DPP6: variants seen among roughly 807,000 people sequenced by gnomAD.
DPP6 encodes the protein A-type potassium channel modulatory protein DPP6.
DPP6 carries 69 observed loss-of-function variants against 122.6 expected under a neutral mutation model. That is an observed-to-expected ratio of 0.56 (90% CI 0.46 to 0.69). The LOEUF (loss-of-function observed/expected upper bound fraction) is 0.69. Among genes scored for constraint, DPP6 ranks in the 30% least tolerant of loss-of-function variants. The pLI is 0.00. For missense variants in DPP6, 928 were observed against 1,116.9 expected (o/e 0.83, Z 2.41); for synonymous variants, 418 against 433.1 (o/e 0.97, Z 0.43).
chr7:154,291,582 T>C (rs1805215284), intron 1 of DPP6, among the ~76,000 whole-genome samples: 1 of 152,186 alleles, frequency 6.6e-6, no homozygotes, highest in Non-Finnish European at 1.5e-5. Context: ...AGACTCTCTC[T>C]CCTGAGCTTT....
At chr7:153,963,767 C>T (rs1176957495) in intron 1 of DPP6, among the ~76,000 whole-genome samples, 2 of 152,162 alleles carry the variant, frequency 1.3e-5, no homozygotes, top group African/African-American at 2.4e-5. Context: ...AGTTTCATCC[C>T]GAAGCCATCC....
At chr7:153,884,963 A>G (rs1317027729), upstream of DPP6, among the ~76,000 whole-genome samples, 2 of 146,720 alleles carry the variant, frequency 1.4e-5, no homozygotes, top group Non-Finnish European at 3.0e-5. Context: ...CTAGTGACAA[A>G]GCAAGACTCC....
chr7:154,186,538 T>A (rs907852229), intron 1 of DPP6, among the ~76,000 whole-genome samples: 2 of 152,230 alleles, frequency 1.3e-5, no homozygotes, highest in Non-Finnish European at 2.9e-5. Flanking sequence ...GAGATGTTCC[T>A]GCAGACGCAC....
chr7:154,676,297 C>G (rs1475737045), intron 7 of DPP6, among the ~76,000 whole-genome samples: 1 of 142,846 alleles, frequency 7.0e-6, no homozygotes, highest in African/African-American at 2.7e-5. Flanking sequence ...GCTGCCCTTC[C>G]CCATGTGACC....
At chr7:153,911,792 A>C (rs1334930100) in intron 1 of DPP6, among the ~76,000 whole-genome samples, 2 of 152,194 alleles carry the variant, frequency 1.3e-5, no homozygotes, top group African/African-American at 4.8e-5. Context: ...ATTCAGTTAC[A>C]ATGCTGTTAG....
rs1820050963 is a variant in DPP6, at chr7:154,448,192, A to C, written c.358+1864A>C. 2.6e-5 allele frequency among the ~76,000 whole-genome samples: 4 copies of C among 152,346 alleles called. No homozygotes were observed. In the South Asian group the frequency reaches 8.3e-4, roughly 32 times the overall value. On this transcript the variant is annotated intron_variant, in intron 2 of 25. Coordinates refer to ENST00000377770, the MANE Select transcript of DPP6 (RefSeq NM_130797.4). ...GTATATAGAAAATCTTAAGGAATCC[A>C]CAAAAAAACCTATTATAATAATAAA...
chr7:153,779,901 A>G, the DPP6 span, among the ~76,000 whole-genome samples: 2 of 151,710 alleles, frequency 1.3e-5, no homozygotes, highest in Non-Finnish European at 2.9e-5. Flanking sequence ...CAAGATGTCA[A>G]TGGTAGAGAA....
intron 1 of DPP6, among the ~76,000 whole-genome samples, chr7:154,164,012 G>A (rs989649690): frequency 6.6e-6 from 1 of 152,036 alleles, no homozygotes; most frequent in Non-Finnish European, 1.5e-5. Flanking sequence ...TCCTCCACTC[G>A]ATGCCTGGTT....
chr7:154,452,857 A>G (rs980813404), intron 2 of DPP6, among the ~76,000 whole-genome samples: 1 of 152,242 alleles, frequency 6.6e-6, no homozygotes, highest in African/African-American at 2.4e-5. Flanking sequence ...AATCAAATTA[A>G]AAGTGTTCAA....
At chr7:154,522,298 A>G (rs1827055794) in intron 3 of DPP6, among the ~76,000 whole-genome samples, 1 of 152,198 alleles carries the variant, frequency 6.6e-6, no homozygotes, top group Non-Finnish European at 1.5e-5. Context: ...AAGATCCTGC[A>G]GGAAAATCAG....
chr7:154,122,366 C>T (rs1265550116), intron 1 of DPP6, among the ~76,000 whole-genome samples: 1 of 152,244 alleles, frequency 6.6e-6, no homozygotes. Context: ...GAAAGAGAAC[C>T]ACATATAGTC....
chr7:154,097,785 C>T (rs1482411711), intron 1 of DPP6, among the ~76,000 whole-genome samples: 1 of 152,158 alleles, frequency 6.6e-6, no homozygotes, highest in Non-Finnish European at 1.5e-5. Flanking sequence ...AGGGCAACGT[C>T]CAGGCTCTCT....
At chr7:154,778,555 A>ACC (rs202168490) in intron 10 of DPP6, among the ~76,000 whole-genome samples, 3 of 138,528 alleles carry the variant, frequency 2.2e-5, no homozygotes, top group African/African-American at 8.1e-5. Flanking sequence ...TGGCTTGAGC[A>ACC]CCCCCCCCCA....
intron 7 of DPP6, among the ~76,000 whole-genome samples, chr7:154,698,797 A>G (rs928240143): frequency 6.6e-6 from 1 of 152,226 alleles, no homozygotes; most frequent in Non-Finnish European, 1.5e-5. Flanking sequence ...GCCAGGAGCT[A>G]GTCTCAGGCG....
In DPP6 at chr7:154,740,577, G is replaced by A. The variant is rs140128367; in HGVS notation, c.883+12690G>A. On this transcript the variant is annotated intron_variant, in intron 8 of 25. Coordinates refer to ENST00000377770, the MANE Select transcript of DPP6 (RefSeq NM_130797.4). ...ACCAGATAATGCTAAACTCCTTTCC[G>A]TCTCTAACCCTTTTCATGTTTAATT... Among the ~76,000 whole-genome samples the A allele has an allele frequency of 3.0e-4, 46 of 152,244 alleles. 2 individuals are homozygous for A. In the East Asian group the frequency reaches 5.6e-3, roughly 19 times the overall value.
At chr7:154,390,819 C>T (rs182225846) in intron 1 of DPP6, among the ~76,000 whole-genome samples, 416 of 152,262 alleles carry the variant, frequency 2.7e-3, no homozygotes, top group African/African-American at 9.5e-3. Flanking sequence ...CCACACGGTC[C>T]TCTTCTGAGA....
At chr7:154,466,471 G>T (rs10952483) in intron 2 of DPP6, among the ~76,000 whole-genome samples, 110,057 of 152,174 alleles carry the variant, frequency 0.72, 41,234 homozygotes, top group East Asian at 0.94. Context: ...CCTGCAGACC[G>T]CACCTTCTTG....
chr7:154,348,434 G>T (rs566370713), intron 1 of DPP6, among the ~76,000 whole-genome samples: 1 of 152,312 alleles, frequency 6.6e-6, no homozygotes, highest in Admixed American at 6.5e-5. Context: ...CAGACCTGAA[G>T]TTTCCAATAT....
At chr7:154,615,281 G>A (rs2130824709) in intron 5 of DPP6, among the ~76,000 whole-genome samples, 1 of 152,238 alleles carries the variant, frequency 6.6e-6, no homozygotes, top group South Asian at 2.1e-4. Context: ...TATGTATTCT[G>A]TGAAAAGCCA....
Sources: allele counts gnomAD v4.1 joint callset (sites outside exome capture counted in the v4.1 genomes callset), GRCh38; gene constraint gnomAD v4.1.1; transcripts MANE v1.5; gene names NCBI Gene and HGNC (gene_info 2026-07-23, HGNC 2026-07-21).